The following CSN1S1 variants were observed in gnomAD, a reference collection of about 807,000 sequenced individuals.
CSN1S1 encodes the protein alpha-S1-casein.
In CSN1S1, 63 loss-of-function variants were observed where a neutral mutation model predicts 49.1. That is an observed-to-expected ratio of 1.28 (90% CI 1.05 to 1.58). The LOEUF is 1.58. Among genes scored for constraint, CSN1S1 ranks in the 40% most tolerant of loss-of-function variants. The pLI is 0.00. For missense variants in CSN1S1, 260 were observed against 224.7 expected (o/e 1.16, Z -1.01); for synonymous variants, 78 against 67.1 (o/e 1.16, Z -0.79).
At chr4:69,945,848 T>A (rs1723146535) in intron 15 of CSN1S1, among the ~76,000 whole-genome samples, 1 of 95,502 alleles carries the variant, frequency 1.0e-5, no homozygotes, top group African/African-American at 4.2e-5. Flanking sequence ...TCCAATTGTG[T>A]GTTTGTGTGT....
In CSN1S1 at chr4:69,936,456, G is replaced by T; in HGVS notation, c.130G>T (p.Glu44Ter). 4.5e-6 allele frequency: 7 copies of T among 1,549,914 alleles called. No individual in the cohort carries two copies. Among genetic ancestry groups the T allele is most frequent in the Non-Finnish European group, 6.2e-6 (7 of 1,125,086 alleles). ...TTATGTTTTCTTTTTTATCCCTAAG[G>T]AATACATGAATGGTATGAACAGGGT... ...SEPIPLESRE[E>*]YMNGMNRQRN... is the part of the protein sequence containing the mutation. Residue 44 changes from glutamate to a stop codon, truncating the protein, a stop_gained and splice_region_variant, in exon 6 of 16, where the codon GAA becomes TAA. Transcript: ENST00000246891. LOFTEE classifies it high-confidence loss of function.
chr4:69,945,835 G>A (rs1371907743), intron 15 of CSN1S1, among the ~76,000 whole-genome samples: 3 of 120,554 alleles, frequency 2.5e-5, no homozygotes, highest in Non-Finnish European at 1.8e-5. Context: ...CTACATTGGA[G>A]CTTCCAATTG....
intron 4 of CSN1S1, among the ~76,000 whole-genome samples, chr4:69,935,260 T>G (rs987324855): frequency 6.6e-6 from 1 of 151,896 alleles, no homozygotes; most frequent in Non-Finnish European, 1.5e-5. Context: ...TTTTTTTCAC[T>G]GGGTGCTGTG....
intron 11 of CSN1S1, 71 bp downstream of exon 11, chr4:69,940,115 A>T (rs201926356): frequency 0.47 from 136,045 of 287,806 alleles, 22,240 homozygotes; most frequent in Non-Finnish European, 0.5. Flanking sequence ...TTACTTTCAC[A>T]CACACACACA....
chr4:69,938,360 G>A (rs1722867084), intron 9 of CSN1S1, among the ~76,000 whole-genome samples: 1 of 151,548 alleles, frequency 6.6e-6, no homozygotes, highest in South Asian at 2.1e-4. Flanking sequence ...TTAGGTTGGT[G>A]CAAAAGTAAT....
At chr4:69,935,842 C>T (rs1448152159) in intron 4 of CSN1S1, 84 bp from the exon 5 acceptor site, 14 of 860,820 alleles carry the variant, frequency 1.6e-5, no homozygotes, top group South Asian at 7.7e-5. Context: ...AAGAACATAA[C>T]GTTTTAATTC....
intron 12 of CSN1S1, 61 bp downstream of exon 12, chr4:69,941,121 A>G (rs1349986495): frequency 2.7e-6 from 2 of 734,362 alleles, no homozygotes. Context: ...AACATATTAA[A>G]TTTTAAATTG....
At chr4:69,934,122 C>CA in intron 2 of CSN1S1, 90 bp from the exon 3 acceptor site, 2 of 989,038 alleles carry the variant, frequency 2.0e-6, no homozygotes, top group Non-Finnish European at 3.0e-6. Flanking sequence ...ATGGCAGTGT[C>CA]AAAAATCATC....
At chr4:69,944,351 A>G (rs2109730508) in intron 14 of CSN1S1, among the ~76,000 whole-genome samples, 1 of 152,152 alleles carries the variant, frequency 6.6e-6, no homozygotes, top group African/African-American at 2.4e-5. Context: ...TAGTGTTTGA[A>G]AAGAACAGTG....
chr4:69,941,976 C>A, intron 12 of CSN1S1, 70 bp from the exon 13 acceptor site: 2 of 968,912 alleles, frequency 2.1e-6, no homozygotes, highest in Admixed American at 2.7e-5. Flanking sequence ...ATGAAGGTAC[C>A]CAGCAAATGT....
At chr4:69,942,661 G>C (rs968696571) in intron 14 of CSN1S1, 84 bp downstream of exon 14, 2 of 1,079,644 alleles carry the variant, frequency 1.9e-6, no homozygotes, top group Non-Finnish European at 2.7e-6. Flanking sequence ...CCCTACTCTT[G>C]AAGAGATTTT....
At chr4:69,934,331 C>G in intron 3 of CSN1S1, 87 bp downstream of exon 3, 3 of 1,289,900 alleles carry the variant, frequency 2.3e-6, no homozygotes, top group Non-Finnish European at 3.3e-6. Context: ...TATGAAACAG[C>G]CTGCTTCACT....
rs569558120 is a variant in CSN1S1 at position 69,935,814 on chromosome 4, G to T, written c.106-112G>T. 5.9e-4 allele frequency: 427 copies of T among 717,862 alleles called. 1 individual carries two copies. The highest frequency in any genetic ancestry group is 9.0e-4 in the Non-Finnish European group (372 of 412,756). The allele number at this position is 717,862 out of a possible 1,614,324, so 44.5% of individuals were successfully genotyped here. A position where few individuals can be genotyped will look rare whatever the true frequency, so the allele number is the denominator to read the frequency against. ...ATGTGTCACATTCTCTATAATTTTT[G>T]ACTTAATTGTTGAATAGAAGAACAT... On this transcript the variant is annotated intron_variant, in intron 4 of 15. Coordinates refer to ENST00000246891, the MANE Select transcript of CSN1S1 (RefSeq NM_001890.2).
At chr4:69,941,974 AC>A in intron 12 of CSN1S1, 71 bp from the exon 13 acceptor site, 1 of 941,492 alleles carries the variant, frequency 1.1e-6, no homozygotes, top group Non-Finnish European at 1.6e-6. Context: ...AAATGAAGGT[AC>A]CCAGCAAATG....
chr4:69,937,728 T>C, intron 8 of CSN1S1, 72 bp from the exon 9 acceptor site: 6 of 1,185,818 alleles, frequency 5.1e-6, no homozygotes, highest in Non-Finnish European at 7.2e-6. Flanking sequence ...ATCCATTTTA[T>C]TTGGTAATCA....
intron 4 of CSN1S1, among the ~76,000 whole-genome samples, chr4:69,934,926 C>T (rs190961151): frequency 2.0e-5 from 3 of 152,176 alleles, no homozygotes; most frequent in Non-Finnish European, 2.9e-5. Flanking sequence ...ATTAAATTTA[C>T]TGGCCTGGTG....
chr4:69,936,009 C>G, intron 5 of CSN1S1, 60 bp downstream of exon 5: 11 of 1,292,638 alleles, frequency 8.5e-6, no homozygotes, highest in Non-Finnish European at 1.2e-5. Context: ...GTGTTAAGAT[C>G]AGGAGACTCA....
chr4:69,939,879 C>A, intron 10 of CSN1S1, 142 bp from the exon 11 acceptor site: 1 of 532,478 alleles, frequency 1.9e-6, no homozygotes, highest in Non-Finnish European at 3.4e-6. Context: ...AATTATTAAT[C>A]TTGTCTCAGT....
At chr4:69,943,733 AG>A (rs1293012600) in intron 14 of CSN1S1, among the ~76,000 whole-genome samples, 1 of 152,026 alleles carries the variant, frequency 6.6e-6, no homozygotes, top group African/African-American at 2.4e-5. Context: ...CTGTCAAGCT[AG>A]GGCCTTCTTG....
Sources: gnomAD v4.1 joint callset for allele counts (sites outside exome capture counted in the v4.1 genomes callset) on GRCh38, gnomAD v4.1.1 for gene constraint, MANE v1.5 for transcripts, NCBI Gene and HGNC (gene_info 2026-07-23, HGNC 2026-07-21) for gene names.